Variants in TNNT3 observed in about 807,000 individuals in gnomAD.
TNNT3 encodes troponin T3, fast skeletal type.
Under a neutral mutation model 54.2 loss-of-function variants are expected in TNNT3, and 36 were observed. The ratio of observed to expected loss-of-function variants is 0.66; its 90% CI spans 0.51 to 0.88. TNNT3 has a LOEUF of 0.88. TNNT3 is among the 40% of genes least tolerant of loss of function. The probability of loss-of-function intolerance (pLI) is 0.00; values close to 1 mark genes in which losing one functional copy is unlikely to be tolerated. For synonymous variants in TNNT3, 120 were observed against 109.7 expected (o/e 1.09, Z -0.59); for missense variants, 291 against 331.6 (o/e 0.88, Z 0.95).
At chr11:1,923,662 A>C (rs1589887507) in intron 4 of TNNT3, 90 bp downstream of exon 4, 5 of 728,416 alleles carry the variant, frequency 6.9e-6, no homozygotes, top group Non-Finnish European at 1.1e-5. Context: ...CCCCCTCCCC[A>C]GGCTGCTCCA....
Position 1,926,590 on chromosome 11 carries a change from G to C in TNNT3, c.68-105G>C, listed in dbSNP as rs1338775941. The stretch of plus-strand genomic sequence containing the variant: ...TAACCCTGCACAGCCTGGCCTGCTC[G>C]CTCCGCCGCCTCGGCCCTGCCCGCC... On this transcript the variant is annotated intron_variant, in intron 5 of 15. Coordinates refer to ENST00000278317, the MANE Select transcript of TNNT3 (RefSeq NM_006757.4). 5.6e-6 allele frequency: 9 copies of C among 1,608,190 alleles called. No homozygotes were observed. The South Asian group carries it at 8.8e-5, about 16-fold the overall frequency.
intron 1 of TNNT3, among the ~76,000 whole-genome samples, chr11:1,921,068 G>A (rs895168796): frequency 6.6e-6 from 1 of 152,224 alleles, no homozygotes; most frequent in African/African-American, 2.4e-5. Flanking sequence ...GAAATATGAG[G>A]AGCTGGGGAG....
intron 6 of TNNT3, among the ~76,000 whole-genome samples, chr11:1,928,672 C>A (rs992151552): frequency 1.3e-5 from 2 of 152,132 alleles, no homozygotes. Flanking sequence ...GTAACACAGC[C>A]TTTACAGGCA....
At chr11:1,924,699 AGAGCCG>A (rs1851017040) in intron 4 of TNNT3, among the ~76,000 whole-genome samples, 2 of 152,172 alleles carry the variant, frequency 1.3e-5, no homozygotes, top group African/African-American at 4.8e-5. Context: ...GGGTGCACTC[AGAGCCG>A]GGGCTTCCCG....
chr11:1,933,850 G>C lies in TNNT3; in HGVS notation c.288+13G>C. ...CAAAGAGAGAATCGTGAGTGGGGCA[G>C]TTCAGGTTGCAGCAGGGGCTGGTGG... On this transcript the variant is annotated intron_variant, in intron 10 of 15. Transcript: ENST00000278317. 1.9e-6 allele frequency: 3 copies of C among 1,612,216 alleles called. No individual in the cohort carries two copies. Among genetic ancestry groups the C allele is most frequent in the African/African-American group, 1.3e-5 (1 of 75,054 alleles).
chr11:1,928,460 C>T (rs1852263527), intron 6 of TNNT3, among the ~76,000 whole-genome samples: 1 of 152,204 alleles, frequency 6.6e-6, no homozygotes, highest in Non-Finnish European at 1.5e-5. Context: ...AGCCATGTGG[C>T]AGTCAGAGGG....
At chr11:1,932,361 A>G in intron 8 of TNNT3, 108 bp from the exon 9 acceptor site, 1 of 1,042,588 alleles carries the variant, frequency 9.6e-7, no homozygotes, top group Non-Finnish European at 1.5e-6. Context: ...TGGGGGCCAG[A>G]GCAGGAGGGC....
chr11:1,927,350 G>A (rs1851899695), intron 6 of TNNT3, among the ~76,000 whole-genome samples: 1 of 152,230 alleles, frequency 6.6e-6, no homozygotes, highest in African/African-American at 2.4e-5. Context: ...CTCCCTGGTA[G>A]TGGGGCCGGC....
intron 11 of TNNT3, 49 bp from the exon 12 acceptor site, chr11:1,934,282 GC>G: frequency 1.3e-6 from 2 of 1,555,114 alleles, no homozygotes; most frequent in Non-Finnish European, 1.8e-6. Context: ...TGCCCAGAAA[GC>G]ATAGCCCTCT....
intron 3 of TNNT3, 23 bp from the exon 4 acceptor site, chr11:1,923,532 C>T: frequency 1.2e-6 from 2 of 1,614,038 alleles, no homozygotes; most frequent in Non-Finnish European, 8.5e-7. Flanking sequence ...CGTGGTTCCC[C>T]TCTTTGTTCT....
chr11:1,936,855 C>T, intron 14 of TNNT3, 108 bp from the exon 15 acceptor site: 1 of 1,183,250 alleles, frequency 8.5e-7, no homozygotes, highest in Non-Finnish European at 1.2e-6. Context: ...GGCCCAGCAG[C>T]CCTGGGTCGC....
chr11:1,937,161 G>A (rs2133539607), intron 15 of TNNT3, among the ~76,000 whole-genome samples, 158 bp downstream of exon 15: 1 of 152,278 alleles, frequency 6.6e-6, no homozygotes, highest in East Asian at 1.9e-4. Context: ...GCGCAGGCCT[G>A]TGGCCAGGGA....
chr11:1,933,741 G>A lies in TNNT3; in HGVS notation c.192G>A (p.Gln64=). ...VDFDDIQKKR[Q]NKDLMELQAL... is the part of the protein sequence containing the mutation. ...CACAGGACATCCAGAAGAAGCGTCA[G>A]AACAAAGACCTAATGGAGCTCCAGG... Residue 64 remains glutamine, a synonymous_variant, in exon 10 of 16, where the codon CAG becomes CAA. Transcript: ENST00000278317. The A allele has an allele frequency of 6.2e-7, 1 of 1,613,046 alleles. No homozygotes were observed. The highest frequency in any genetic ancestry group is 1.1e-5 in the South Asian group (1 of 91,084).
At chr11:1,927,554 G>A (rs1481578037) in intron 6 of TNNT3, among the ~76,000 whole-genome samples, 2 of 152,184 alleles carry the variant, frequency 1.3e-5, no homozygotes, top group African/African-American at 4.8e-5. Context: ...TGGGACTCCA[G>A]CCATGCAGGG....
chr11:1,928,730 G>A (rs1049982938), intron 6 of TNNT3, among the ~76,000 whole-genome samples: 4 of 152,182 alleles, frequency 2.6e-5, no homozygotes, highest in East Asian at 1.9e-4. Flanking sequence ...CACCCACCCC[G>A]GCTGCAACGC....
chr11:1,932,544 C>A, intron 9 of TNNT3, 30 bp downstream of exon 9: 1 of 1,610,738 alleles, frequency 6.2e-7, no homozygotes, highest in Non-Finnish European at 8.5e-7. Context: ...GTTAACATGT[C>A]CACGGTTTCC....
At chr11:1,937,442 C>T (rs868406528) in intron 15 of TNNT3, among the ~76,000 whole-genome samples, 1 of 152,326 alleles carries the variant, frequency 6.6e-6, no homozygotes, top group Non-Finnish European at 1.5e-5. Context: ...ACCAGCCCCT[C>T]TGTGACGCTG....
rs940646587 is a variant in TNNT3 at position 1,938,368 on chromosome 11, A to C, written c.723-70A>C. The C allele has an allele frequency of 3.2e-6, 5 of 1,560,606 alleles. No individual in the cohort carries two copies. The African/African-American group carries it at 6.8e-5, about 21-fold the overall frequency. On this transcript the variant is annotated intron_variant, in intron 15 of 15. Coordinates refer to ENST00000278317, the MANE Select transcript of TNNT3 (RefSeq NM_006757.4). ...CTGGGGTCGGGCTGAGAGTCCGCCC[A>C]GGGTGGGGGACCAGGAGGGGCATGG...
intron 11 of TNNT3, 77 bp from the exon 12 acceptor site, chr11:1,934,255 G>A (rs1854289058): frequency 3.7e-6 from 5 of 1,359,268 alleles, no homozygotes; most frequent in East Asian, 4.7e-5. Context: ...CTAAGCCCAG[G>A]GTGGGTCCCT....
Sources: gnomAD v4.1 joint callset for allele counts (sites outside exome capture counted in the v4.1 genomes callset) on GRCh38, gnomAD v4.1.1 for gene constraint, MANE v1.5 for transcripts, NCBI Gene and HGNC (gene_info 2026-07-23, HGNC 2026-07-21) for gene names.